Variants in EPHA4 observed in about 807,000 individuals in gnomAD.
EPHA4 encodes the protein ephrin type-A receptor 4.
A neutral mutation model predicts 108.3 loss-of-function variants in EPHA4; 19 were observed. That is an observed-to-expected ratio of 0.18 (90% CI 0.12 to 0.26). The LOEUF (loss-of-function observed/expected upper bound fraction) is 0.26. EPHA4 is among the 10% of genes least tolerant of loss of function. EPHA4 has a pLI of 1.00. For synonymous variants in EPHA4, 449 were observed against 455.5 expected, an observed-to-expected ratio of 0.99 and a Z score of 0.18; for missense variants, 917 against 1,254.0, an observed-to-expected ratio of 0.73 and a Z score of 4.06.
chr2:221,537,274 G>T (rs1299012969), intron 3 of EPHA4, among the ~76,000 whole-genome samples: 1 of 152,184 alleles, frequency 6.6e-6, no homozygotes, highest in Non-Finnish European at 1.5e-5. Context: ...TGTTCTCAGT[G>T]CTCCAAATAC....
rs2106217683 is a variant in EPHA4, at chr2:221,572,171, G to A, written c.78C>T (p.Tyr26=). The A allele has an allele frequency of 1.2e-6, 2 of 1,613,918 alleles. No homozygotes were observed. Among genetic ancestry groups the A allele is most frequent in the East Asian group, 4.5e-5 (2 of 44,854 alleles). ...TCCCGCTCTTACCTTCATTCGCGGG[G>A]TATACCCTGGAACCTGTGACAGCGT... The part of the protein sequence containing the change: ...ICDAVTGSRV[Y]PANEVTLLDS... Residue 26 remains tyrosine, a synonymous_variant, in exon 1 of 18, where the codon TAC becomes TAT. Transcript: ENST00000281821.
chr2:221,526,161 T>C (rs753187401), intron 3 of EPHA4, among the ~76,000 whole-genome samples: 21 of 152,252 alleles, frequency 1.4e-4, no homozygotes, highest in Admixed American at 8.5e-4. Flanking sequence ...CATATACAGT[T>C]AAGCAGTTGC....
chr2:221,444,939 G>A (rs1359388746), intron 9 of EPHA4, among the ~76,000 whole-genome samples: 1 of 151,440 alleles, frequency 6.6e-6, no homozygotes, highest in African/African-American at 2.4e-5. Context: ...GTTATTTTTT[G>A]TAGAGACGGA....
At chr2:221,553,034 A>C (rs1375420333) in intron 3 of EPHA4, among the ~76,000 whole-genome samples, 1 of 152,216 alleles carries the variant, frequency 6.6e-6, no homozygotes, top group Non-Finnish European at 1.5e-5. Context: ...ACACATCATG[A>C]GGCTAGACAA....
chr2:221,566,933 AG>A (rs1559297284), intron 2 of EPHA4, among the ~76,000 whole-genome samples: 8 of 44,896 alleles, frequency 1.8e-4, no homozygotes, highest in Admixed American at 4.8e-4. Flanking sequence ...AAGGAGAAGG[AG>A]AAGGAGAAGG....
At chr2:221,567,005 A>AGAAGAAGAAGAAGAAGAAGAAGAAGAG (rs1491189776) in intron 2 of EPHA4, among the ~76,000 whole-genome samples, 1 of 143,056 alleles carries the variant, frequency 7.0e-6, no homozygotes, top group Non-Finnish European at 1.5e-5. Context: ...AAGAAGAAGA[A>AGAAGAAGAAGAAGAAGAAGAAGAAGAG]GAAGAAAAAA....
Position 221,569,233 on chromosome 2 carries a change from TC to T in EPHA4, c.92-449del, listed in dbSNP as rs1425537712. On this transcript the variant is annotated intron_variant, in intron 1 of 17. Transcript: ENST00000281821. ...AGCCACAAGTGAATTCTCTCTTCTA[TC>T]AGAGAGTATCCTATCCAAAGGGTCA... Among the ~76,000 whole-genome samples the T allele has an allele frequency of 2.0e-5, 3 of 152,332 alleles. No individual in the cohort carries two copies. The East Asian group carries it at 5.8e-4, about 29-fold the overall frequency.
chr2:221,562,318 C>T (rs1468540444), intron 3 of EPHA4, among the ~76,000 whole-genome samples: 1 of 151,430 alleles, frequency 6.6e-6, no homozygotes, highest in African/African-American at 2.4e-5. Context: ...CTAGAAATAA[C>T]TATAGCTAAG....
intron 4 of EPHA4, among the ~76,000 whole-genome samples, chr2:221,498,055 TCAAATGTTCCAGCA>T (rs1692352248): frequency 6.6e-6 from 1 of 152,158 alleles, no homozygotes; most frequent in Non-Finnish European, 1.5e-5. Flanking sequence ...TACACATACA[TCAAATGTTCCAGCA>T]ACACAGACAT....
chr2:221,491,010 C>G (rs551737984), intron 4 of EPHA4, among the ~76,000 whole-genome samples: 3 of 152,302 alleles, frequency 2.0e-5, no homozygotes, highest in African/African-American at 7.2e-5. Flanking sequence ...ATGCATCAAT[C>G]ACTTGCTGCT....
rs529965608 is a variant in EPHA4, at chr2:221,453,157, C to A, written c.1715+2390G>T. Among the ~76,000 whole-genome samples, 83 of 152,316 alleles carry A rather than the reference C, an allele frequency of 5.4e-4. 1 individual carries two copies. The highest frequency in any genetic ancestry group is 1.9e-3 in the African/African-American group (79 of 41,582). ...TCAAGTCAAAGAGATGGTCAAGACA[C>A]AAGGCAAGGCCTACTTTCTGCAGAG... On this transcript the variant is annotated intron_variant, in intron 8 of 17. Coordinates refer to ENST00000281821, the MANE Select transcript of EPHA4 (RefSeq NM_004438.5).
At chr2:221,509,985 G>A (rs943711771) in intron 3 of EPHA4, among the ~76,000 whole-genome samples, 2 of 152,166 alleles carry the variant, frequency 1.3e-5, no homozygotes, top group Non-Finnish European at 2.9e-5. Context: ...AAATGATGAT[G>A]AAATGAGATA....
At chr2:221,550,628 G>A (rs1393395362) in intron 3 of EPHA4, among the ~76,000 whole-genome samples, 1 of 152,092 alleles carries the variant, frequency 6.6e-6, no homozygotes, top group Non-Finnish European at 1.5e-5. Flanking sequence ...TTTTATAGAA[G>A]AGAAAGCCAA....
chr2:221,460,610 G>T (rs564904454), intron 5 of EPHA4, among the ~76,000 whole-genome samples: 1 of 152,238 alleles, frequency 6.6e-6, no homozygotes, highest in African/African-American at 2.4e-5. Context: ...GAAAATCTGG[G>T]CTTTGCCATA....
At position 221,561,124 on chromosome 2, in the gene EPHA4, C is replaced by A. The variant is rs1574660724; in HGVS notation, c.823+2607G>T. On this transcript the variant is annotated intron_variant, in intron 3 of 17. Coordinates refer to ENST00000281821, the MANE Select transcript of EPHA4 (RefSeq NM_004438.5). Reference sequence around the variant, plus strand: ...AGGCGTGGTGGCGGGCGCCTGTAGTCCCAGCTACTTGGGAGGCTGAGGCAG... The same window carrying A: ...AGGCGTGGTGGCGGGCGCCTGTAGTACCAGCTACTTGGGAGGCTGAGGCAG... Among the ~76,000 whole-genome samples, 4 of 150,730 alleles carry A rather than the reference C, an allele frequency of 2.7e-5. No homozygotes were observed. The East Asian group carries it at 5.8e-4, about 22-fold the overall frequency.
intron 5 of EPHA4, among the ~76,000 whole-genome samples, chr2:221,461,364 G>C (rs1031071195): frequency 2.0e-5 from 3 of 152,168 alleles, no homozygotes; most frequent in Non-Finnish European, 4.4e-5. Context: ...AGAATTAGAA[G>C]AGGAGATAAT....
At chr2:221,542,916 TTTCTCACATGC>T (rs1693878666) in intron 3 of EPHA4, among the ~76,000 whole-genome samples, 3 of 152,234 alleles carry the variant, frequency 2.0e-5, no homozygotes, top group Non-Finnish European at 2.9e-5. Flanking sequence ...TAAAAGAAGT[TTTCTCACATGC>T]AAGTGCTAAT....
chr2:221,421,139 T>C (rs531618585), intron 17 of EPHA4, among the ~76,000 whole-genome samples: 2 of 151,910 alleles, frequency 1.3e-5, no homozygotes, highest in East Asian at 3.9e-4. Context: ...CTACTAAAAA[T>C]ACAAAAAATT....
intron 8 of EPHA4, among the ~76,000 whole-genome samples, chr2:221,449,896 G>A (rs1231323670): frequency 6.6e-6 from 1 of 152,204 alleles, no homozygotes; most frequent in East Asian, 1.9e-4. Flanking sequence ...GCTCCAGGAG[G>A]TCCCTTTCCA....
Sources: gnomAD v4.1 joint callset for allele counts (sites outside exome capture counted in the v4.1 genomes callset) on GRCh38, gnomAD v4.1.1 for gene constraint, MANE v1.5 for transcripts, NCBI Gene and HGNC (gene_info 2026-07-23, HGNC 2026-07-21) for gene names.